The following INTS7 variants were observed in gnomAD, a reference collection of about 807,000 sequenced individuals.
INTS7 encodes integrator complex subunit 7.
Under a neutral mutation model 109.2 loss-of-function variants are expected in INTS7, and 46 were observed. The ratio of observed to expected loss-of-function variants is 0.42; its 90% confidence interval spans 0.33 to 0.54. The LOEUF is 0.54. Among genes scored for constraint, INTS7 ranks in the 20% least tolerant of loss-of-function variants. The pLI is 0.07. For missense variants in INTS7, 929 were observed against 1,132.4 expected (o/e 0.82, Z 2.58); for synonymous variants, 412 against 402.9 (o/e 1.02, Z -0.27).
intron 10 of INTS7, among the ~76,000 whole-genome samples, chr1:211,979,434 T>C (rs995916067): frequency 3.3e-5 from 5 of 152,200 alleles, no homozygotes; most frequent in Non-Finnish European, 5.9e-5. Flanking sequence ...GTTTCTGATG[T>C]GTATAAGAGG....
chr1:212,021,255 T>A (rs1348906491), intron 1 of INTS7, 43 bp from the exon 2 acceptor site: 2 of 1,551,876 alleles, frequency 1.3e-6, no homozygotes, highest in Non-Finnish European at 1.7e-6. Context: ...ACAGTTTGCA[T>A]ATTTGTGGCT....
intron 1 of INTS7, among the ~76,000 whole-genome samples, chr1:212,026,755 A>T (rs1425816607): frequency 6.6e-6 from 1 of 152,236 alleles, no homozygotes; most frequent in African/African-American, 2.4e-5. Flanking sequence ...TCTCACTGTC[A>T]GTAGCTGAGT....
chr1:212,010,396 G>A (rs988488741), intron 5 of INTS7, among the ~76,000 whole-genome samples: 4 of 152,162 alleles, frequency 2.6e-5, no homozygotes, highest in African/African-American at 9.7e-5. Context: ...ATAAGAGACT[G>A]GAAAACCAGG....
intron 7 of INTS7, among the ~76,000 whole-genome samples, chr1:211,995,988 A>C (rs1370014899): frequency 6.6e-6 from 1 of 152,262 alleles, no homozygotes; most frequent in African/African-American, 2.4e-5. Flanking sequence ...AGCCCAAATG[A>C]ACTAAGAAAA....
At chr1:211,967,776 G>C in intron 15 of INTS7, 102 bp downstream of exon 15, 3 of 660,294 alleles carry the variant, frequency 4.5e-6, no homozygotes, top group Non-Finnish European at 5.3e-6. Context: ...AATTTATAGG[G>C]TTATTTAACA....
Position 212,007,410 on chromosome 1 carries a change from G to A in INTS7, c.596C>T (p.Pro199Leu). Reference protein sequence around the residue: ...TPVDLKLKLIPILQHMHHDAI... With the variant: ...TPVDLKLKLILILQHMHHDAI... ...ATCATGGTGCATGTGCTGTAGAATG[G>A]GTATCAATTTTAGCTTCAAGTCTAC... The change falls in exon 6 of 20, where the codon CCC becomes CTC. Residue 199 changes from proline to leucine, a missense_variant. Physicochemically the swap from Pro to Leu is moderately conservative, Grantham distance 98. Transcript: ENST00000366994. 6.2e-7 allele frequency: 1 copy of A among 1,613,744 alleles called. No individual in the cohort carries two copies. The highest frequency in any genetic ancestry group is 8.5e-7 in the Non-Finnish European group (1 of 1,179,840).
intron 7 of INTS7, among the ~76,000 whole-genome samples, chr1:211,999,734 A>G (rs1298040391): frequency 6.6e-6 from 1 of 152,232 alleles, no homozygotes; most frequent in Non-Finnish European, 1.5e-5. Context: ...TATTAAACGG[A>G]AAAAATAAAA....
chr1:212,014,933 T>G (rs2102481060), intron 4 of INTS7, among the ~76,000 whole-genome samples: 1 of 152,328 alleles, frequency 6.6e-6, no homozygotes, highest in African/African-American at 2.4e-5. Context: ...CCTCCCAAAG[T>G]GCAGCCTGTG....
At chr1:211,967,499 C>G (rs369129467) in intron 15 of INTS7, among the ~76,000 whole-genome samples, 37 of 145,824 alleles carry the variant, frequency 2.5e-4, no homozygotes, top group African/African-American at 8.8e-4. Context: ...CTGAAGAGAT[C>G]ATTAATAAAG....
intron 13 of INTS7, among the ~76,000 whole-genome samples, chr1:211,969,940 G>A (rs928975128): frequency 8.6e-5 from 13 of 151,784 alleles, no homozygotes; most frequent in Non-Finnish European, 1.8e-4. Context: ...GGATGGTCTC[G>A]ATCTCCTGAC....
At chr1:211,950,036 T>C (rs1663015548) in intron 17 of INTS7, among the ~76,000 whole-genome samples, 2 of 152,242 alleles carry the variant, frequency 1.3e-5, no homozygotes, top group South Asian at 4.1e-4. Context: ...ACTCTCTTTT[T>C]TGTACTACAT....
intron 1 of INTS7, among the ~76,000 whole-genome samples, chr1:212,029,566 T>C (rs1419903165): frequency 6.6e-6 from 1 of 152,256 alleles, no homozygotes; most frequent in Admixed American, 6.5e-5. Flanking sequence ...TTTTTGCTTC[T>C]ACCTTAGTAA....
At chr1:211,974,308 T>TATATATATATAA (rs1179528621) in intron 13 of INTS7, among the ~76,000 whole-genome samples, 3 of 143,732 alleles carry the variant, frequency 2.1e-5, no homozygotes, top group African/African-American at 5.0e-5. Flanking sequence ...TATATATATA[T>TATATATATATAA]AAAATACTTC....
intron 19 of INTS7, 148 bp downstream of exon 19, chr1:211,944,636 C>T: frequency 1.6e-6 from 1 of 643,440 alleles, no homozygotes. Context: ...CAACCCCTTA[C>T]AGCCCCAATG....
chr1:211,951,441 G>T (rs1663085303), intron 17 of INTS7, among the ~76,000 whole-genome samples: 1 of 152,154 alleles, frequency 6.6e-6, no homozygotes, highest in South Asian at 2.1e-4. Flanking sequence ...CTGAGTAGCT[G>T]GGATTACAGG....
At chr1:211,996,283 A>C (rs1665383735) in intron 7 of INTS7, among the ~76,000 whole-genome samples, 1 of 152,052 alleles carries the variant, frequency 6.6e-6, no homozygotes, top group Non-Finnish European at 1.5e-5. Flanking sequence ...TTAGCCAGGC[A>C]TGGTGGTGGG....
At chr1:211,948,970 G>T (rs1662965706) in intron 17 of INTS7, among the ~76,000 whole-genome samples, 2 of 152,252 alleles carry the variant, frequency 1.3e-5, no homozygotes, top group Admixed American at 1.3e-4. Flanking sequence ...CTCCCAAAGT[G>T]CTGGGATTAT....
At chr1:212,005,621 T>A (rs866805236) in intron 7 of INTS7, among the ~76,000 whole-genome samples, 1 of 152,302 alleles carries the variant, frequency 6.6e-6, no homozygotes, top group Middle Eastern at 3.4e-3. Context: ...CTGGGTTTGG[T>A]TCTTTGTACA....
chr1:211,944,329 G>A (rs774421364), intron 19 of INTS7, among the ~76,000 whole-genome samples: 19 of 152,108 alleles, frequency 1.2e-4, no homozygotes, highest in Non-Finnish European at 2.1e-4. Context: ...GCTGATGGGT[G>A]ACTTTCTGGG....
Sources: allele counts gnomAD v4.1 joint callset (sites outside exome capture counted in the v4.1 genomes callset), GRCh38; gene constraint gnomAD v4.1.1; transcripts MANE v1.5; gene names NCBI Gene and HGNC (gene_info 2026-07-23, HGNC 2026-07-21).